GRM7: variants seen among roughly 807,000 people sequenced by gnomAD.
The protein encoded by GRM7 is metabotropic glutamate receptor 7.
A neutral mutation model predicts 84.5 loss-of-function variants in GRM7; 35 were observed. That is an observed-to-expected ratio of 0.41 (90% confidence interval 0.32 to 0.55). GRM7 has a LOEUF of 0.55. GRM7 is among the 20% of genes least tolerant of loss of function. The pLI is 0.19. For missense variants in GRM7, 1,003 were observed against 1,194.6 expected (o/e 0.84, Z 2.36); for synonymous variants, 487 against 455.1 (o/e 1.07, Z -0.89).
At chr3:7,640,682 GTACTT>G (rs763014175) in intron 8 of GRM7, among the ~76,000 whole-genome samples, 4 of 152,302 alleles carry the variant, frequency 2.6e-5, no homozygotes, top group African/African-American at 4.8e-5. Context: ...CTATAGCCTA[GTACTT>G]TACTTTAAGC....
At chr3:7,158,757 T>A (rs2125076722) in intron 2 of GRM7, among the ~76,000 whole-genome samples, 1 of 152,278 alleles carries the variant, frequency 6.6e-6, no homozygotes, top group South Asian at 2.1e-4. Flanking sequence ...AGTCCATAAA[T>A]CTACTTGCCT....
At chr3:7,447,634 C>T (rs1432292632) in intron 5 of GRM7, among the ~76,000 whole-genome samples, 3 of 152,054 alleles carry the variant, frequency 2.0e-5, no homozygotes, top group African/African-American at 2.4e-5. Context: ...TTGCGGGGTG[C>T]GTGGGCCGGG....
chr3:7,150,024 T>A (rs112274302), intron 2 of GRM7, among the ~76,000 whole-genome samples: 20 of 152,172 alleles, frequency 1.3e-4, no homozygotes, highest in Middle Eastern at 3.4e-3. Context: ...AGTGAGCTAT[T>A]TGCATTGTCC....
intron 1 of GRM7, among the ~76,000 whole-genome samples, chr3:7,013,584 C>A (rs1303217756): frequency 6.6e-6 from 1 of 152,258 alleles, no homozygotes; most frequent in African/African-American, 2.4e-5. Flanking sequence ...ATATCTATTT[C>A]TCCCTTTATC....
chr3:7,209,306 G>A (rs1484015689), intron 2 of GRM7, among the ~76,000 whole-genome samples: 1 of 152,162 alleles, frequency 6.6e-6, no homozygotes, highest in African/African-American at 2.4e-5. Context: ...TGTTTGAACT[G>A]TTTATTGCTG....
intron 4 of GRM7, among the ~76,000 whole-genome samples, chr3:7,350,417 G>A (rs1217499234): frequency 2.0e-5 from 3 of 151,892 alleles, no homozygotes; most frequent in African/African-American, 4.8e-5. Context: ...TTAATAATAC[G>A]TGGTACCTCC....
At chr3:7,436,926 A>G (rs1218294088) in intron 5 of GRM7, among the ~76,000 whole-genome samples, 1 of 151,876 alleles carries the variant, frequency 6.6e-6, no homozygotes, top group Non-Finnish European at 1.5e-5. Flanking sequence ...TTTTATCATC[A>G]TCATCATCAT....
intron 1 of GRM7, among the ~76,000 whole-genome samples, chr3:6,967,517 T>C (rs533802148): frequency 6.6e-6 from 1 of 152,318 alleles, no homozygotes; most frequent in South Asian, 2.1e-4. Context: ...TTTACCCTAA[T>C]CGGCTCTGTT....
chr3:6,900,253 A>G (rs950759113), intron 1 of GRM7, among the ~76,000 whole-genome samples: 3 of 152,206 alleles, frequency 2.0e-5, no homozygotes, highest in Non-Finnish European at 4.4e-5. Flanking sequence ...AGGGGCTGAC[A>G]TGTGAACAGC....
chr3:6,927,471 A>AAGAAAGAAAGAT (rs1559333325), intron 1 of GRM7, among the ~76,000 whole-genome samples: 5 of 60,100 alleles, frequency 8.3e-5, no homozygotes, highest in Non-Finnish European at 1.8e-4. Flanking sequence ...GAGAGAAAGA[A>AAGAAAGAAAGAT]AGAAAGAAAG....
At chr3:7,191,064 GC>G (rs751518976) in intron 2 of GRM7, among the ~76,000 whole-genome samples, 1 of 151,948 alleles carries the variant, frequency 6.6e-6, no homozygotes, top group Non-Finnish European at 1.5e-5. Flanking sequence ...ATCAATATAA[GC>G]TTTTAAAAAT....
chr3:7,327,305 C>T (rs933999077), intron 4 of GRM7, among the ~76,000 whole-genome samples: 8 of 152,140 alleles, frequency 5.3e-5, no homozygotes, highest in Non-Finnish European at 1.0e-4. Context: ...GTGTACCTTT[C>T]CCCATTATCA....
chr3:7,651,289 A>G (rs2125114458), intron 8 of GRM7, among the ~76,000 whole-genome samples: 1 of 152,304 alleles, frequency 6.6e-6, no homozygotes, highest in African/African-American at 2.4e-5. Flanking sequence ...GGGGAAAAAA[A>G]GTGCTGCTTT....
intron 4 of GRM7, among the ~76,000 whole-genome samples, chr3:7,354,783 C>A (rs1693318074): frequency 6.6e-6 from 1 of 152,182 alleles, no homozygotes; most frequent in East Asian, 1.9e-4. Context: ...AACACATCTT[C>A]TGGTACCTGG....
intron 7 of GRM7, among the ~76,000 whole-genome samples, chr3:7,476,393 A>G (rs1011759775): frequency 2.0e-5 from 3 of 152,178 alleles, no homozygotes; most frequent in Non-Finnish European, 2.9e-5. Context: ...TAAAAATACA[A>G]AAAATTAGCT....
intron 1 of GRM7, among the ~76,000 whole-genome samples, chr3:7,073,302 T>C (rs968048122): frequency 6.6e-6 from 1 of 152,100 alleles, no homozygotes; most frequent in African/African-American, 2.4e-5. Flanking sequence ...GTGCCACACC[T>C]GTTGCCTTGT....
chr3:7,466,816 G>C (rs1486721243), intron 7 of GRM7, among the ~76,000 whole-genome samples: 5 of 152,140 alleles, frequency 3.3e-5, no homozygotes, highest in Non-Finnish European at 7.3e-5. Flanking sequence ...CTGATCTTCT[G>C]AGGTATATGG....
chr3:7,070,201 A>G (rs1697815140), intron 1 of GRM7, among the ~76,000 whole-genome samples: 1 of 152,194 alleles, frequency 6.6e-6, no homozygotes, highest in Admixed American at 6.6e-5. Context: ...AATGAAATGT[A>G]TAATTATCAG....
At chr3:6,974,326 G>C (rs921385963) in intron 1 of GRM7, among the ~76,000 whole-genome samples, 3 of 152,214 alleles carry the variant, frequency 2.0e-5, no homozygotes, top group African/African-American at 7.2e-5. Flanking sequence ...TAGTGGAGAT[G>C]TTGAATAGAC....
Sources: allele counts gnomAD v4.1 joint callset (sites outside exome capture counted in the v4.1 genomes callset), GRCh38; gene constraint gnomAD v4.1.1; transcripts MANE v1.5; gene names NCBI Gene and HGNC (gene_info 2026-07-23, HGNC 2026-07-21).